PSD3: variants seen among roughly 807,000 people sequenced by gnomAD.
The protein encoded by PSD3 is pleckstrin and Sec7 domain containing 3.
In PSD3, 49 loss-of-function variants were observed where a neutral mutation model predicts 105.5. The ratio of observed to expected loss-of-function variants is 0.46; its 90% CI spans 0.37 to 0.59. The LOEUF is 0.59. Ranked by LOEUF, PSD3 falls within the 20% of genes least tolerant of loss-of-function variation. The pLI is 0.00. For missense variants in PSD3, 1,561 were observed against 1,263.8 expected (o/e 1.24, Z -3.57); for synonymous variants, 557 against 457.8 (o/e 1.22, Z -2.77).
rs545312531 is a variant in PSD3 at position 18,531,209 on chromosome 8, T to C, written c.*4534A>G. 1 of 152,784 alleles carries C rather than the reference T, an allele frequency of 6.5e-6. No individual in the cohort carries two copies. The highest frequency in any genetic ancestry group is 2.4e-5 in the African/African-American group (1 of 41,594). 9.5% of individuals were successfully genotyped at this position (152,784 alleles called of 1,614,324 possible). ...CGAAGAGACTTAAGAAAACCTACTG[T>C]ATATACAATTATGTAACTTGCAAAA... On this transcript the variant is annotated 3_prime_UTR_variant, in exon 16 of 16. Transcript: ENST00000327040.
At chr8:19,020,455 T>C (rs2129475844) in intron 1 of PSD3, among the ~76,000 whole-genome samples, 1 of 151,876 alleles carries the variant, frequency 6.6e-6, no homozygotes, top group Admixed American at 6.6e-5. Context: ...CAGCAAGGGG[T>C]CAGTGTGCCT....
intron 9 of PSD3, among the ~76,000 whole-genome samples, chr8:18,722,483 AAGTG>A (rs1803053312): frequency 6.6e-6 from 1 of 152,222 alleles, no homozygotes; most frequent in Non-Finnish European, 1.5e-5. Flanking sequence ...GTTTCCCTTC[AAGTG>A]AGTAATACGT....
At chr8:18,866,620 T>C (rs1253222162) in intron 4 of PSD3, among the ~76,000 whole-genome samples, 3 of 152,140 alleles carry the variant, frequency 2.0e-5, no homozygotes, top group African/African-American at 7.2e-5. Context: ...ACAATCCATA[T>C]TCACAAGAAA....
chr8:18,914,866 T>C (rs1820479734), intron 2 of PSD3, among the ~76,000 whole-genome samples: 1 of 152,160 alleles, frequency 6.6e-6, no homozygotes, highest in Non-Finnish European at 1.5e-5. Flanking sequence ...CTAAAATTCA[T>C]ACAGAACCAA....
At chr8:18,909,842 T>C (rs1430138405) in intron 2 of PSD3, among the ~76,000 whole-genome samples, 4 of 152,226 alleles carry the variant, frequency 2.6e-5, no homozygotes, top group East Asian at 3.8e-4. Context: ...GAAATTGTAA[T>C]TTATGTTTCT....
intron 12 of PSD3, among the ~76,000 whole-genome samples, chr8:18,586,840 T>G (rs1193783215): frequency 2.6e-5 from 4 of 152,052 alleles, no homozygotes; most frequent in African/African-American, 9.7e-5. Flanking sequence ...TGGACAGGAT[T>G]CCTTGATGCT....
At chr8:19,031,543 A>C (rs991145181) in intron 1 of PSD3, among the ~76,000 whole-genome samples, 2 of 132,444 alleles carry the variant, frequency 1.5e-5, no homozygotes, top group Non-Finnish European at 3.4e-5. Flanking sequence ...TTGATATGAC[A>C]AAGTCAAGAA....
At chr8:18,552,655 G>A (rs1164763569) in intron 15 of PSD3, among the ~76,000 whole-genome samples, 2 of 152,088 alleles carry the variant, frequency 1.3e-5, no homozygotes, top group Non-Finnish European at 2.9e-5. Context: ...AATGGGAACT[G>A]AATAAAATAG....
chr8:18,695,453 C>T (rs1208708854), intron 9 of PSD3, among the ~76,000 whole-genome samples: 2 of 152,186 alleles, frequency 1.3e-5, no homozygotes, highest in Admixed American at 6.5e-5. Flanking sequence ...TCCATGTATG[C>T]CAGAAGACCC....
At position 18,872,348 on chromosome 8, in the gene PSD3, C is replaced by T. The variant is rs1817433768; in HGVS notation, c.516G>A (p.Glu172=). ...SSFSVQQVEK[E]LDTASRKTQR... is the part of the protein sequence containing the mutation. Reference sequence around the variant, plus strand: ...GTGTTTTACGACTGGCAGTGTCCAGCTCTTTTTCCACCTGCTGAACTGAAA... The same window carrying T: ...GTGTTTTACGACTGGCAGTGTCCAGTTCTTTTTCCACCTGCTGAACTGAAA... The change falls in exon 3 of 16, where the codon GAG becomes GAA. Residue 172 remains glutamate, a synonymous_variant. Coordinates refer to ENST00000327040, the MANE Select transcript of PSD3 (RefSeq NM_015310.4). 2 of 1,614,188 alleles carry T rather than the reference C, an allele frequency of 1.2e-6. No homozygotes were observed. The highest frequency in any genetic ancestry group is 1.7e-6 in the Non-Finnish European group (2 of 1,180,042).
At chr8:18,918,443 T>C (rs1429063750) in intron 2 of PSD3, among the ~76,000 whole-genome samples, 1 of 152,214 alleles carries the variant, frequency 6.6e-6, no homozygotes, top group Non-Finnish European at 1.5e-5. Flanking sequence ...AATCATGTTA[T>C]TACTTGCCTG....
chr8:18,649,718 T>C (rs111288777), intron 10 of PSD3, among the ~76,000 whole-genome samples: 2,112 of 152,270 alleles, frequency 0.014, 52 homozygotes, highest in African/African-American at 0.047. Flanking sequence ...ATCCCCACTG[T>C]TGGAGGTGGG....
intron 4 of PSD3, among the ~76,000 whole-genome samples, chr8:18,841,481 C>CAT (rs1814621784): frequency 6.6e-6 from 1 of 151,906 alleles, no homozygotes. Flanking sequence ...CACACACACA[C>CAT]ACACACACAC....
chr8:18,845,597 C>T (rs1369244843), intron 4 of PSD3, among the ~76,000 whole-genome samples: 1 of 152,186 alleles, frequency 6.6e-6, no homozygotes, highest in Non-Finnish European at 1.5e-5. Context: ...TCCCTCCCTG[C>T]TGCTGACAGC....
chr8:18,853,799 T>A (rs891667612), intron 4 of PSD3, among the ~76,000 whole-genome samples: 5 of 152,154 alleles, frequency 3.3e-5, no homozygotes, highest in African/African-American at 7.2e-5. Context: ...GGAGTTCACA[T>A]GCAGTCTAGG....
chr8:18,590,078 ATACAG>A (rs1803482387), intron 12 of PSD3, among the ~76,000 whole-genome samples: 1 of 152,244 alleles, frequency 6.6e-6, no homozygotes, highest in South Asian at 2.1e-4. Flanking sequence ...AGCAAAAAAG[ATACAG>A]TATAGTTGAA....
intron 15 of PSD3, among the ~76,000 whole-genome samples, chr8:18,551,974 T>G (rs1364999797): frequency 2.6e-5 from 4 of 152,172 alleles, no homozygotes; most frequent in Non-Finnish European, 5.9e-5. Context: ...AGTTATCAGA[T>G]GTGATATATT....
intron 1 of PSD3, among the ~76,000 whole-genome samples, chr8:19,037,598 G>A (rs1186297846): frequency 6.6e-6 from 1 of 152,184 alleles, no homozygotes; most frequent in Non-Finnish European, 1.5e-5. Context: ...AATATGAATG[G>A]CCATCGTCCA....
At chr8:18,711,283 T>A (rs573885508) in intron 9 of PSD3, among the ~76,000 whole-genome samples, 6 of 152,088 alleles carry the variant, frequency 3.9e-5, no homozygotes, top group African/African-American at 1.4e-4. Context: ...AATTCACACA[T>A]AACAATATGA....
Sources: gnomAD v4.1 joint callset for allele counts (sites outside exome capture counted in the v4.1 genomes callset) on GRCh38, gnomAD v4.1.1 for gene constraint, MANE v1.5 for transcripts, NCBI Gene and HGNC (gene_info 2026-07-23, HGNC 2026-07-21) for gene names.